Variants in ERBB4 observed in about 807,000 individuals in gnomAD.
The protein encoded by ERBB4 is erb-b2 receptor tyrosine kinase 4.
A neutral mutation model predicts 158.0 loss-of-function variants in ERBB4; 42 were observed. That is an observed-to-expected ratio of 0.27 (90% CI 0.21 to 0.34). The LOEUF (loss-of-function observed/expected upper bound fraction) is 0.34. Ranked by LOEUF, ERBB4 falls within the 10% of genes least tolerant of loss-of-function variation. ERBB4 has a pLI of 1.00. For missense variants in ERBB4, 1,333 were observed against 1,624.1 expected (o/e 0.82, Z 3.08); for synonymous variants, 583 against 558.7 (o/e 1.04, Z -0.61).
intron 20 of ERBB4, among the ~76,000 whole-genome samples, chr2:211,450,335 A>C (rs1186291889): frequency 6.6e-6 from 1 of 152,092 alleles, no homozygotes; most frequent in Non-Finnish European, 1.5e-5. Flanking sequence ...AGTCCTTGGG[A>C]TGTATAAACC....
intron 3 of ERBB4, among the ~76,000 whole-genome samples, chr2:211,850,562 C>G (rs1416119863): frequency 1.3e-5 from 2 of 151,694 alleles, no homozygotes; most frequent in Non-Finnish European, 2.9e-5. Context: ...AGAACAGATG[C>G]CTAGTTGGGA....
intron 20 of ERBB4, among the ~76,000 whole-genome samples, chr2:211,489,187 A>G (rs57162879): frequency 0.019 from 2,904 of 152,184 alleles, 92 homozygotes; most frequent in African/African-American, 0.067. Context: ...GATTCTTTTC[A>G]CCACAGCTGA....
chr2:212,374,186 T>A (rs1168788317), intron 1 of ERBB4, among the ~76,000 whole-genome samples: 1 of 150,440 alleles, frequency 6.6e-6, no homozygotes, highest in East Asian at 1.9e-4. Context: ...AATAGGCAGA[T>A]AGACATTATT....
chr2:211,745,925 T>A (rs1559481094), intron 5 of ERBB4, among the ~76,000 whole-genome samples: 2 of 152,184 alleles, frequency 1.3e-5, no homozygotes, highest in South Asian at 2.1e-4. Context: ...GAAACAGTTG[T>A]CTCTAGATTA....
chr2:211,388,257 T>G (rs994247038), intron 25 of ERBB4, among the ~76,000 whole-genome samples: 1 of 152,186 alleles, frequency 6.6e-6, no homozygotes, highest in African/African-American at 2.4e-5. Flanking sequence ...TTCAATGGAT[T>G]AGAAAAGTAA....
At chr2:212,535,527 T>C (rs778598824) in intron 1 of ERBB4, among the ~76,000 whole-genome samples, 1 of 152,158 alleles carries the variant, frequency 6.6e-6, no homozygotes, top group Non-Finnish European at 1.5e-5. Flanking sequence ...CTGAACTTGT[T>C]CATCGTTTAT....
At chr2:211,672,117 G>C (rs556006724) in intron 14 of ERBB4, among the ~76,000 whole-genome samples, 1 of 152,054 alleles carries the variant, frequency 6.6e-6, no homozygotes, top group African/African-American at 2.4e-5. Flanking sequence ...GCTCACTGGG[G>C]CCTAATGGAA....
intron 1 of ERBB4, among the ~76,000 whole-genome samples, chr2:212,372,900 C>T (rs940946355): frequency 1.3e-5 from 2 of 152,158 alleles, no homozygotes; most frequent in African/African-American, 2.4e-5. Flanking sequence ...CTTATTCACC[C>T]AATCATCATC....
At chr2:211,772,838 C>CATAT (rs1278564933) in intron 4 of ERBB4, among the ~76,000 whole-genome samples, 326 of 18,298 alleles carry the variant, frequency 0.018, 8 homozygotes, top group African/African-American at 0.041. Context: ...TATATATACA[C>CATAT]ATATATATAT....
At chr2:212,103,361 C>G (rs773374962) in intron 2 of ERBB4, among the ~76,000 whole-genome samples, 16 of 151,692 alleles carry the variant, frequency 1.1e-4, no homozygotes, top group Non-Finnish European at 2.2e-4. Context: ...TATCTAGTAC[C>G]TACAGTTAAA....
In ERBB4 at chr2:211,451,448, G is replaced by A. The variant is rs190111744; in HGVS notation, c.2488-20348C>T. On this transcript the variant is annotated intron_variant, in intron 20 of 27. Transcript: ENST00000342788. Reference sequence around the variant, plus strand: ...AAATGAAGGGAGACAGGGAACTAGCGAGGAATTAAGGGAGGCAGGATGTAG... The same window carrying A: ...AAATGAAGGGAGACAGGGAACTAGCAAGGAATTAAGGGAGGCAGGATGTAG... Among the ~76,000 whole-genome samples the A allele has an allele frequency of 2.6e-5, 4 of 152,268 alleles. No homozygotes were observed. The East Asian group carries it at 5.8e-4, about 22-fold the overall frequency.
intron 1 of ERBB4, among the ~76,000 whole-genome samples, chr2:212,374,069 C>CATAT (rs533237770): frequency 2.6e-5 from 2 of 77,536 alleles, no homozygotes; most frequent in African/African-American, 1.5e-4. Flanking sequence ...CATATATATC[C>CATAT]ATATATATAT....
chr2:211,958,483 G>A (rs2081090303), intron 2 of ERBB4, among the ~76,000 whole-genome samples: 1 of 152,082 alleles, frequency 6.6e-6, no homozygotes, highest in Non-Finnish European at 1.5e-5. Flanking sequence ...TTTTCTGTGT[G>A]TGAGGCATTC....
chr2:211,420,447 C>A lies in ERBB4; in HGVS notation c.3129G>T (p.Ser1043=). The change falls in exon 25 of 28, where the codon TCG becomes TCT. Residue 1043 remains serine, a synonymous_variant. Coordinates refer to ENST00000342788, the MANE Select transcript of ERBB4 (RefSeq NM_005235.3). ...GTATATAATTATTTCTTACCCTATT[C>A]GAGTCAATTCTTGCTCTGGAAGTAT... ...PIYTSRARID[S]NRSEIGHSPP... The A allele has an allele frequency of 2.5e-6, 4 of 1,607,892 alleles. No homozygotes were observed. The highest frequency in any genetic ancestry group is 3.4e-6 in the Non-Finnish European group (4 of 1,174,916).
intron 16 of ERBB4, among the ~76,000 whole-genome samples, chr2:211,643,454 G>A (rs2070675074): frequency 6.6e-6 from 1 of 152,032 alleles, no homozygotes; most frequent in Non-Finnish European, 1.5e-5. Context: ...TAAAACTATT[G>A]GGTGAAGCCA....
chr2:211,614,890 T>C (rs1037863658), intron 19 of ERBB4, among the ~76,000 whole-genome samples: 1 of 152,054 alleles, frequency 6.6e-6, no homozygotes, highest in Non-Finnish European at 1.5e-5. Context: ...TTGTGTAAGA[T>C]AAATAAAATT....
At chr2:212,258,896 C>T (rs901756909) in intron 1 of ERBB4, among the ~76,000 whole-genome samples, 1 of 151,862 alleles carries the variant, frequency 6.6e-6, no homozygotes. Flanking sequence ...AAACAATGAT[C>T]ATCTTAGAGG....
Position 211,585,504 on chromosome 2 carries a change from T to C in ERBB4, c.2302-23416A>G, listed in dbSNP as rs2068249920. Reference sequence around the variant, plus strand: ...ATAATTGATAGCATAAATAAGAAATTGACTTTGAGGGGTCATGATTTTTAA... The same window carrying C: ...ATAATTGATAGCATAAATAAGAAATCGACTTTGAGGGGTCATGATTTTTAA... On this transcript the variant is annotated intron_variant, in intron 19 of 27. Coordinates refer to ENST00000342788, the MANE Select transcript of ERBB4 (RefSeq NM_005235.3). Among the ~76,000 whole-genome samples, 7 of 152,268 alleles carry C rather than the reference T, an allele frequency of 4.6e-5. No homozygotes were observed. The South Asian group carries it at 1.4e-3, about 32-fold the overall frequency.
intron 14 of ERBB4, among the ~76,000 whole-genome samples, chr2:211,672,230 G>T (rs1329176779): frequency 6.6e-6 from 1 of 152,100 alleles, no homozygotes; most frequent in Non-Finnish European, 1.5e-5. Flanking sequence ...CAATGAAATT[G>T]TACAGAGCAA....
Sources: gnomAD v4.1 joint callset for allele counts (sites outside exome capture counted in the v4.1 genomes callset) on GRCh38, gnomAD v4.1.1 for gene constraint, MANE v1.5 for transcripts, NCBI Gene and HGNC (gene_info 2026-07-23, HGNC 2026-07-21) for gene names.